Variants in CRMP1 observed in about 807,000 individuals in gnomAD.
CRMP1 encodes the protein collapsin response mediator protein 1.
A neutral mutation model predicts 68.3 loss-of-function variants in CRMP1; 19 were observed. The observed-to-expected ratio is 0.28, with a 90% confidence interval of 0.19 to 0.41. The LOEUF is 0.41. Among genes scored for constraint, CRMP1 ranks in the 10% least tolerant of loss-of-function variants. The pLI is 1.00. For missense variants in CRMP1, 791 were observed against 967.4 expected (o/e 0.82, Z 2.42); for synonymous variants, 439 against 399.6 (o/e 1.10, Z -1.18).
chr4:5,861,324 G>GCC lies in CRMP1; in HGVS notation c.471-116_471-115dup. 9.6e-7 allele frequency: 1 copy of GCC among 1,045,878 alleles called. No individual in the cohort carries two copies. Among genetic ancestry groups the GCC allele is most frequent in the Non-Finnish European group, 1.4e-6 (1 of 716,452 alleles). 64.8% of individuals were successfully genotyped at this position (1,045,878 alleles called of 1,614,324 possible). A position where few individuals can be genotyped will look rare whatever the true frequency, so the allele number is the denominator to read the frequency against. On this transcript the variant is annotated intron_variant, in intron 2 of 13. Transcript: ENST00000324989. This position sits in a 1 kb window ranked among gnomAD's most constrained non-coding sequence, Gnocchi z 6.0. ...ATTTCTGAGCCAGGCCCTTCACAAG[G>GCC]CCCTGGGGAGACAGAGATAACTCAG...
At position 5,834,881 on chromosome 4, in the gene CRMP1, C is replaced by T. The variant is rs981257790; in HGVS notation, c.1623+1034G>A. ...ATAAGAATGACCTGGATTGGTGAGCCGGACAAGGTCAGTGAGCAGCTACCG... is the reference window on the plus strand; with the variant it reads ...ATAAGAATGACCTGGATTGGTGAGCTGGACAAGGTCAGTGAGCAGCTACCG... On this transcript the variant is annotated intron_variant, in intron 11 of 13. Transcript: ENST00000324989. This position sits in a 1 kb window ranked among gnomAD's most constrained non-coding sequence, Gnocchi z 4.3. Among the ~76,000 whole-genome samples, 2 of 152,148 alleles carry T rather than the reference C, an allele frequency of 1.3e-5. No individual in the cohort carries two copies. Among genetic ancestry groups the T allele is most frequent in the South Asian group, 2.1e-4 (1 of 4,814 alleles).
chr4:5,880,209 A>C (rs1009718702), intron 1 of CRMP1, among the ~76,000 whole-genome samples: 37 of 152,298 alleles, frequency 2.4e-4, no homozygotes, highest in African/African-American at 8.9e-4. Context: ...TTCTGCACTG[A>C]GGGGAGAATG....
intron 1 of CRMP1, among the ~76,000 whole-genome samples, chr4:5,880,696 C>A (rs921831927): frequency 6.6e-6 from 1 of 152,210 alleles, no homozygotes; most frequent in African/African-American, 2.4e-5. Flanking sequence ...CTTCAGGGGC[C>A]CCCACACCTT....
In CRMP1 at chr4:5,825,387, C is replaced by G; in HGVS notation, c.1969+107G>C. On this transcript the variant is annotated intron_variant, in intron 13 of 13. Transcript: ENST00000324989. The surrounding 1 kb of genome is among the most constrained non-coding windows in gnomAD (Gnocchi z 4.4). ...GTGGGGCACACTCCCTTCCCTGCTT[C>G]TTCATCTAGTGTCCAAGGCCACGTG... The G allele has an allele frequency of 2.0e-6, 3 of 1,467,422 alleles. No individual in the cohort carries two copies. The South Asian group carries it at 4.6e-5, about 23-fold the overall frequency. The allele number at this position is 1,467,422 out of a possible 1,614,324, so 90.9% of individuals were successfully genotyped here.
At position 5,856,579 on chromosome 4, in the gene CRMP1, T is replaced by C. The variant is rs115417020; in HGVS notation, c.656-272A>G. Among the ~76,000 whole-genome samples, 657 of 148,642 alleles carry C rather than the reference T, an allele frequency of 4.4e-3. 5 individuals are homozygous for C. Among genetic ancestry groups the C allele is most frequent in the African/African-American group, 0.016 (624 of 40,008 alleles). Reference sequence around the variant, plus strand: ...ATTATCACCACTACCACCACCATCATCACCATCATTATCACCCCATCACCA... The same window carrying C: ...ATTATCACCACTACCACCACCATCACCACCATCATTATCACCCCATCACCA... On this transcript the variant is annotated intron_variant, in intron 3 of 13. Transcript: ENST00000324989.
In CRMP1 at chr4:5,870,154, C is replaced by A. The variant is rs891872395; in HGVS notation, c.382-3398G>T. ...TTAATCTGGAGTCCCAGGTTCCTGG[C>A]AGTCTTCCTGCTCCTACTTGCTTTG... On this transcript the variant is annotated intron_variant, in intron 1 of 13. Transcript: ENST00000324989. This position sits in a 1 kb window ranked among gnomAD's most constrained non-coding sequence, Gnocchi z 6.0. 6.6e-6 allele frequency among the ~76,000 whole-genome samples: 1 copy of A among 152,226 alleles called. No homozygotes were observed. Among genetic ancestry groups the A allele is most frequent in the African/African-American group, 2.4e-5 (1 of 41,458 alleles).
Position 5,870,409 on chromosome 4 carries a change from C to G in CRMP1, c.382-3653G>C, listed in dbSNP as rs1346376725. ...ACCCCACTGGCAGTGCAGGACACAA[C>G]TCCCCAGGGGACGCATGACACAGGC... On this transcript the variant is annotated intron_variant, in intron 1 of 13. Coordinates refer to ENST00000324989, the MANE Select transcript of CRMP1 (RefSeq NM_001014809.3). The surrounding 1 kb of genome is among the most constrained non-coding windows in gnomAD (Gnocchi z 6.0). Among the ~76,000 whole-genome samples, 1 of 152,260 alleles carries G rather than the reference C, an allele frequency of 6.6e-6. No individual in the cohort carries two copies. The highest frequency in any genetic ancestry group is 1.5e-5 in the Non-Finnish European group (1 of 68,052).
rs1577820736 is a variant in CRMP1, at chr4:5,866,976, G to T, written c.382-220C>A. The stretch of plus-strand genomic sequence containing the variant: ...CTCACTTTGTTTTGTTTTTGCTGAG[G>T]TGTTTTAAAACAAAGCACAAGCACT... On this transcript the variant is annotated intron_variant, in intron 1 of 13. Transcript: ENST00000324989. The surrounding 1 kb of genome is among the most constrained non-coding windows in gnomAD (Gnocchi z 5.9). Among the ~76,000 whole-genome samples, 1 of 151,778 alleles carries T rather than the reference G, an allele frequency of 6.6e-6. No individual in the cohort carries two copies. The highest frequency in any genetic ancestry group is 1.5e-5 in the Non-Finnish European group (1 of 67,958).
intron 1 of CRMP1, among the ~76,000 whole-genome samples, chr4:5,875,695 G>C (rs985058386): frequency 1.3e-5 from 2 of 151,422 alleles, no homozygotes; most frequent in African/African-American, 4.9e-5. Flanking sequence ...GGTACTGTGG[G>C]TAGGTGAGGA....
chr4:5,891,639 G>A lies in CRMP1; in HGVS notation c.381+950C>T, dbSNP rs1330436864. 2.0e-5 allele frequency among the ~76,000 whole-genome samples: 3 copies of A among 152,086 alleles called. No homozygotes were observed. The highest frequency in any genetic ancestry group is 7.2e-5 in the African/African-American group (3 of 41,420). On this transcript the variant is annotated intron_variant, in intron 1 of 13. Coordinates refer to ENST00000324989, the MANE Select transcript of CRMP1 (RefSeq NM_001014809.3). This position sits in a 1 kb window ranked among gnomAD's most constrained non-coding sequence, Gnocchi z 5.2. ...TGGGCCTGGCACCTAGCAGTTCTCC[G>A]GCATCCAGGTCTGGACCAATTCGAA...
In CRMP1 at chr4:5,888,546, T is replaced by C. The variant is rs561541240; in HGVS notation, c.381+4043A>G. ...GGAGGAGGGGGCTGCAGACAGCTCC[T>C]CCCGGCGGCGCGGAGCGAAGCCGGA... On this transcript the variant is annotated intron_variant, in intron 1 of 13. Coordinates refer to ENST00000324989, the MANE Select transcript of CRMP1 (RefSeq NM_001014809.3). This position sits in a 1 kb window ranked among gnomAD's most constrained non-coding sequence, Gnocchi z 6.4. 1.7e-6 allele frequency: 2 copies of C among 1,143,788 alleles called. No homozygotes were observed. Among genetic ancestry groups the C allele is most frequent in the South Asian group, 8.8e-5 (2 of 22,774 alleles). The allele number at this position is 1,143,788 out of a possible 1,614,324, so 70.9% of individuals were successfully genotyped here.
At position 5,854,408 on chromosome 4, in the gene CRMP1, T is replaced by G. The variant is rs1192742439; in HGVS notation, c.820+1735A>C. Among the ~76,000 whole-genome samples, 14 of 147,106 alleles carry G rather than the reference T, an allele frequency of 9.5e-5. No individual in the cohort carries two copies. Among genetic ancestry groups the G allele is most frequent in the African/African-American group, 2.3e-4 (9 of 39,646 alleles). On this transcript the variant is annotated intron_variant, in intron 4 of 13. Transcript: ENST00000324989. This position sits in a 1 kb window ranked among gnomAD's most constrained non-coding sequence, Gnocchi z 4.0. ...CACCACTCCTGGCTATGTTTTTTTT[T>G]TTTTTTTTTTTTTTTTAATAGAGTC... is the stretch of plus-strand genomic sequence containing the variant.
At chr4:5,839,384 G>T in intron 9 of CRMP1, 138 bp downstream of exon 9, 1 of 1,063,094 alleles carries the variant, frequency 9.4e-7, no homozygotes, top group Non-Finnish European at 1.3e-6. Flanking sequence ...AGCCATATGA[G>T]CGCAGTCCTT....
Position 5,892,940 on chromosome 4 carries a change from G to A in CRMP1, c.30C>T (p.Thr10=). 7.9e-7 allele frequency: 1 copy of A among 1,264,904 alleles called. No individual in the cohort carries two copies. Among genetic ancestry groups the A allele is most frequent in the Non-Finnish European group, 1.0e-6 (1 of 1,002,840 alleles). The allele number at this position is 1,264,904 out of a possible 1,614,324, so 78.4% of individuals were successfully genotyped here. A position where few individuals can be genotyped will look rare whatever the true frequency, so the allele number is the denominator to read the frequency against. The change falls in exon 1 of 14, where the codon ACC becomes ACT. Residue 10 remains threonine, a synonymous_variant. Transcript: ENST00000324989. This position sits in a 1 kb window ranked among gnomAD's most constrained non-coding sequence, Gnocchi z 8.6. The part of the protein sequence containing the change: MADRRRAWN[T]EDDLPVYLAR... ...CCAGGTACACGGGCAGGTCGTCCTC[G>A]GTGTTCCACGCGCGCCGCCGGTCCG...
chr4:5,887,564 T>A (rs1457848041), intron 1 of CRMP1: 14 of 985,180 alleles, frequency 1.4e-5, no homozygotes, highest in Non-Finnish European at 1.7e-5. Context: ...GCAGCCCGGC[T>A]GTTCTGCCTC....
In CRMP1 at chr4:5,892,650, G is replaced by T; in HGVS notation, c.320C>A (p.Pro107Gln). The T allele has an allele frequency of 1.7e-6, 2 of 1,193,824 alleles. No homozygotes were observed. Among genetic ancestry groups the T allele is most frequent in the South Asian group, 3.9e-5 (1 of 25,348 alleles). The allele number at this position is 1,193,824 out of a possible 1,614,324, so 74.0% of individuals were successfully genotyped here. The change falls in exon 1 of 14, where the codon CCG becomes CAG. Residue 107 changes from proline (P) to glutamine (Q), a missense_variant. Around this residue, in one of 3 missense-constraint regions of CRMP1, gnomAD observed 193 missense variants for 186.3 expected, o/e 1.04. Coordinates refer to ENST00000324989, the MANE Select transcript of CRMP1 (RefSeq NM_001014809.3). This position sits in a 1 kb window ranked among gnomAD's most constrained non-coding sequence, Gnocchi z 8.6. ...SSPGERDERP[P>Q]TLRIRRPAPR... is the part of the protein sequence containing the mutation. ...CGCGGGGCGGCGGATGCGCAGCGTC[G>T]GCGGCCGCTCGTCGCGCTCTCCGGG...
At position 5,890,174 on chromosome 4, in the gene CRMP1, C is replaced by G. The variant is rs1223330850; in HGVS notation, c.381+2415G>C. 1 of 174,920 alleles carries G rather than the reference C, an allele frequency of 5.7e-6. No individual in the cohort carries two copies. The highest frequency in any genetic ancestry group is 1.2e-5 in the Non-Finnish European group (1 of 80,884). 10.8% of individuals were successfully genotyped at this position (174,920 alleles called of 1,614,324 possible). A position where few individuals can be genotyped will look rare whatever the true frequency, so the allele number is the denominator to read the frequency against. On this transcript the variant is annotated intron_variant, in intron 1 of 13. Transcript: ENST00000324989. The surrounding 1 kb of genome is among the most constrained non-coding windows in gnomAD (Gnocchi z 5.5). ...CTCCCTTCCTTGGAGTTGTTAAGTC[C>G]TAGGTTCCCCGTACCAGGGCGTTCC...
At chr4:5,846,757 ATTTTTTT>A (rs71171490) in intron 6 of CRMP1, among the ~76,000 whole-genome samples, 34 of 53,732 alleles carry the variant, frequency 6.3e-4, no homozygotes, top group African/African-American at 3.3e-3. Context: ...TGCCCGGCTA[ATTTTTTT>A]TTTTTTTTTT....
At chr4:5,833,030 C>A (rs982915237) in intron 11 of CRMP1, among the ~76,000 whole-genome samples, 1 of 152,140 alleles carries the variant, frequency 6.6e-6, no homozygotes, top group Non-Finnish European at 1.5e-5. Context: ...ATGCCTTACC[C>A]GCCATGGAAG....
Sources: allele counts gnomAD v4.1 joint callset (sites outside exome capture counted in the v4.1 genomes callset), GRCh38; gene constraint gnomAD v4.1.1; regional missense constraint gnomAD v4.1.1; non-coding constraint Gnocchi (gnomAD v3.1); transcripts MANE v1.5; gene names NCBI Gene and HGNC (gene_info 2026-07-23, HGNC 2026-07-21).